CCSER1: variants seen among roughly 807,000 people sequenced by gnomAD.
The protein encoded by CCSER1 is coiled-coil serine rich protein 1, also known as serine-rich coiled-coil domain-containing protein 1.
A neutral mutation model predicts 82.0 loss-of-function variants in CCSER1; 41 were observed. The ratio of observed to expected loss-of-function variants is 0.50; its 90% CI spans 0.39 to 0.65. The LOEUF is 0.65. Among genes scored for constraint, CCSER1 ranks in the 30% least tolerant of loss-of-function variants. The pLI, the probability that CCSER1 is intolerant of heterozygous loss-of-function variation, is 0.00. For synonymous variants in CCSER1, 414 were observed against 383.9 expected, an observed-to-expected ratio of 1.08 and a Z score of -0.92; for missense variants, 1,119 against 1,064.2, an observed-to-expected ratio of 1.05 and a Z score of -0.72.
intron 10 of CCSER1, among the ~76,000 whole-genome samples, chr4:91,218,067 G>T (rs546420336): frequency 1.9e-4 from 29 of 152,334 alleles, no homozygotes; most frequent in Admixed American, 1.8e-3. Context: ...CCCATGGAGT[G>T]GGTGGGAGGC....
chr4:90,307,231 C>T (rs1417801837), intron 1 of CCSER1, among the ~76,000 whole-genome samples: 2 of 152,076 alleles, frequency 1.3e-5, no homozygotes, highest in Non-Finnish European at 2.9e-5. Context: ...TCGTGTCCTC[C>T]TCCTCCTTTA....
At chr4:90,284,589 G>A (rs879335529) in intron 1 of CCSER1, among the ~76,000 whole-genome samples, 1 of 151,518 alleles carries the variant, frequency 6.6e-6, no homozygotes, top group Non-Finnish European at 1.5e-5. Context: ...AGCCTCCTGG[G>A]CTTAAGCCAT....
intron 5 of CCSER1, among the ~76,000 whole-genome samples, chr4:90,492,485 T>C (rs1470810747): frequency 6.6e-6 from 1 of 152,032 alleles, no homozygotes; most frequent in African/African-American, 2.4e-5. Flanking sequence ...GATTCATTGA[T>C]TTTTTTGAAG....
At chr4:91,340,284 G>A (rs1403919515) in intron 10 of CCSER1, among the ~76,000 whole-genome samples, 2 of 152,156 alleles carry the variant, frequency 1.3e-5, no homozygotes, top group Non-Finnish European at 2.9e-5. Flanking sequence ...AACTGAAACA[G>A]TAGAAAGTGA....
chr4:91,476,659 G>GTT (rs61338785), intron 10 of CCSER1, among the ~76,000 whole-genome samples: 16,496 of 151,304 alleles, frequency 0.11, 951 homozygotes, highest in Non-Finnish European at 0.12. Flanking sequence ...ATACCACAAA[G>GTT]TTATAGTAAC....
intron 10 of CCSER1, among the ~76,000 whole-genome samples, chr4:91,401,765 TA>T (rs1752351048): frequency 2.6e-5 from 4 of 152,210 alleles, no homozygotes; most frequent in African/African-American, 9.7e-5. Flanking sequence ...TTCCATGGTG[TA>T]TATGTGCCAC....
At chr4:90,483,885 C>T (rs1046037642) in intron 5 of CCSER1, among the ~76,000 whole-genome samples, 1 of 152,054 alleles carries the variant, frequency 6.6e-6, no homozygotes, top group African/African-American at 2.4e-5. Context: ...ATCTTTGTGG[C>T]ATTCTCTGTA....
chr4:90,956,075 G>A (rs779356640), intron 9 of CCSER1, among the ~76,000 whole-genome samples: 9 of 152,162 alleles, frequency 5.9e-5, no homozygotes, highest in South Asian at 4.1e-4. Flanking sequence ...GTGTAGGACC[G>A]AGAACAGTGC....
intron 10 of CCSER1, among the ~76,000 whole-genome samples, chr4:91,198,444 A>C (rs538259096): frequency 6.6e-6 from 1 of 152,208 alleles, no homozygotes; most frequent in African/African-American, 2.4e-5. Context: ...AGATTAAAAA[A>C]TGATTTATTC....
At chr4:91,555,463 T>G (rs1313724621) in intron 10 of CCSER1, among the ~76,000 whole-genome samples, 1 of 151,102 alleles carries the variant, frequency 6.6e-6, no homozygotes, top group South Asian at 2.1e-4. Flanking sequence ...GCCCGGCACA[T>G]AGTAATCAAT....
rs1778478692 is a variant in CCSER1 at position 90,559,463 on chromosome 4, T to C, written c.1725-68562T>C. On this transcript the variant is annotated intron_variant, in intron 5 of 10. Transcript: ENST00000509176. ...GGTGGGGGACTTGGCCTTTATACAC[T>C]TGCATTGAGATTTGATGAAATCTGG... 2.0e-5 allele frequency among the ~76,000 whole-genome samples: 3 copies of C among 152,144 alleles called. No homozygotes were observed. The East Asian group carries it at 5.8e-4, about 29-fold the overall frequency.
intron 4 of CCSER1, among the ~76,000 whole-genome samples, chr4:90,424,029 T>A (rs1757149313): frequency 6.6e-6 from 1 of 151,044 alleles, no homozygotes; most frequent in African/African-American, 2.4e-5. Context: ...AGGCTGAGGT[T>A]GCAGTGAGCA....
intron 10 of CCSER1, among the ~76,000 whole-genome samples, chr4:91,486,288 A>G (rs1006374811): frequency 2.0e-5 from 3 of 152,052 alleles, no homozygotes; most frequent in African/African-American, 4.8e-5. Flanking sequence ...TAATTTGATG[A>G]TCTTTCTCCT....
At chr4:90,683,087 T>G (rs978893477) in intron 6 of CCSER1, 1 of 152,214 alleles carries the variant, frequency 6.6e-6, no homozygotes, top group Admixed American at 6.6e-5. Flanking sequence ...CTCCTGGAAA[T>G]TTGCCAGGAA....
At chr4:90,298,344 C>G (rs1013688794) in intron 1 of CCSER1, among the ~76,000 whole-genome samples, 2 of 151,990 alleles carry the variant, frequency 1.3e-5, no homozygotes, top group African/African-American at 4.8e-5. Flanking sequence ...GTGATATCCC[C>G]TTTATCATTT....
At chr4:91,271,585 T>A (rs1167830036) in intron 10 of CCSER1, among the ~76,000 whole-genome samples, 4 of 152,126 alleles carry the variant, frequency 2.6e-5, no homozygotes, top group Non-Finnish European at 4.4e-5. Context: ...CTCATCCAGG[T>A]CGCTGCAAAT....
chr4:90,367,316 C>T (rs28707208), intron 3 of CCSER1, among the ~76,000 whole-genome samples: 41,255 of 151,532 alleles, frequency 0.27, 6,845 homozygotes, highest in African/African-American at 0.46. Context: ...CTTTATAAGC[C>T]GGGGATCCCT....
Position 91,590,789 on chromosome 4 carries a change from G to A in CCSER1, c.2218-7783G>A, listed in dbSNP as rs552887072. ...TTTTTTAAAATTAATAATTATAAGG[G>A]CCCAGAAGAATGCCTGGTATATAAT... is the stretch of plus-strand genomic sequence containing the variant. On this transcript the variant is annotated intron_variant, in intron 10 of 10. Transcript: ENST00000509176. 2.6e-5 allele frequency among the ~76,000 whole-genome samples: 4 copies of A among 152,062 alleles called. 1 individual carries two copies. Among genetic ancestry groups the A allele is most frequent in the African/African-American group, 9.6e-5 (4 of 41,470 alleles).
intron 7 of CCSER1, among the ~76,000 whole-genome samples, chr4:90,733,890 T>A (rs1745195554): frequency 6.6e-6 from 1 of 152,024 alleles, no homozygotes; most frequent in Non-Finnish European, 1.5e-5. Context: ...TGTGTGTCTG[T>A]TTTTATGCTA....
Sources: allele counts gnomAD v4.1 joint callset (sites outside exome capture counted in the v4.1 genomes callset), GRCh38; gene constraint gnomAD v4.1.1; transcripts MANE v1.5; gene names NCBI Gene and HGNC (gene_info 2026-07-23, HGNC 2026-07-21).